Variants in SORCS2 observed in about 807,000 individuals in gnomAD.
SORCS2 encodes the protein sortilin related VPS10 domain containing receptor 2, also known as VPS10 domain-containing receptor SorCS2.
A neutral mutation model predicts 141.6 loss-of-function variants in SORCS2; 100 were observed. The ratio of observed to expected loss-of-function variants is 0.71; its 90% CI spans 0.60 to 0.83. SORCS2 has a LOEUF of 0.83. Among genes scored for constraint, SORCS2 ranks in the 40% least tolerant of loss-of-function variants. The probability of loss-of-function intolerance (pLI) is 0.00; values close to 1 mark genes in which losing one functional copy is unlikely to be tolerated. For missense variants in SORCS2, 1,646 were observed against 1,560.2 expected (o/e 1.05, Z -0.93); for synonymous variants, 789 against 676.9 (o/e 1.17, Z -2.57).
intron 14 of SORCS2, among the ~76,000 whole-genome samples, 191 bp downstream of exon 14, chr4:7,704,475 T>G (rs752283923): frequency 9.9e-5 from 15 of 152,230 alleles, no homozygotes; most frequent in Non-Finnish European, 1.9e-4. Context: ...CGGCACCTCT[T>G]GAGCCGGTGA....
intron 26 of SORCS2, among the ~76,000 whole-genome samples, chr4:7,737,755 G>A (rs1044000892): frequency 1.1e-4 from 17 of 152,220 alleles, no homozygotes; most frequent in Admixed American, 2.6e-4. Flanking sequence ...GTTTATGGCC[G>A]TTTTCTCTTC....
chr4:7,477,781 A>C (rs1329943392), intron 2 of SORCS2, among the ~76,000 whole-genome samples: 2 of 152,204 alleles, frequency 1.3e-5, no homozygotes, highest in Non-Finnish European at 2.9e-5. Flanking sequence ...CCATCCCAGA[A>C]TTCTGTCTCC....
intron 9 of SORCS2, among the ~76,000 whole-genome samples, chr4:7,680,709 T>A (rs1723475016): frequency 1.3e-5 from 2 of 152,250 alleles, no homozygotes; most frequent in Admixed American, 1.3e-4. Flanking sequence ...GCTCGCAGTG[T>A]GATCCCCTTG....
chr4:7,525,212 A>G (rs573651735), intron 2 of SORCS2, among the ~76,000 whole-genome samples: 11 of 152,284 alleles, frequency 7.2e-5, no homozygotes, highest in African/African-American at 2.6e-4. Flanking sequence ...AGTCCGGGCA[A>G]GAGGCTTCTG....
At chr4:7,465,118 C>T (rs1461513746) in intron 2 of SORCS2, among the ~76,000 whole-genome samples, 5 of 152,186 alleles carry the variant, frequency 3.3e-5, no homozygotes, top group African/African-American at 4.8e-5. Context: ...GAATGACACC[C>T]GGGGCCGCTG....
At chr4:7,538,369 C>T (rs10937835) in intron 3 of SORCS2, among the ~76,000 whole-genome samples, 115,181 of 152,112 alleles carry the variant, frequency 0.76, 48,778 homozygotes, top group East Asian at 0.99. Context: ...TGACGACCCC[C>T]ACACATCCCC....
intron 10 of SORCS2, 110 bp from the exon 11 acceptor site, chr4:7,689,376 C>A: frequency 2.0e-6 from 2 of 1,007,540 alleles, no homozygotes; most frequent in South Asian, 3.1e-5. Flanking sequence ...CACTCCTGGC[C>A]CAGCCTTCTC....
chr4:7,260,389 C>T lies in SORCS2; in HGVS notation c.480+67263C>T, dbSNP rs73799427. ...CCTCCAAGCCTCCTCCCACCTCCCC[C>T]CTCCCAGGAATGTTGAGCAACAAAT... On this transcript the variant is annotated intron_variant, in intron 1 of 26. Coordinates refer to ENST00000507866, the MANE Select transcript of SORCS2 (RefSeq NM_020777.3). Among the ~76,000 whole-genome samples the T allele has an allele frequency of 8.4e-3, 1,276 of 152,322 alleles. 19 individuals are homozygous for T. The highest frequency in any genetic ancestry group is 0.029 in the African/African-American group (1,189 of 41,566).
intron 1 of SORCS2, among the ~76,000 whole-genome samples, chr4:7,313,436 T>C (rs1718333092): frequency 6.6e-6 from 1 of 152,064 alleles, no homozygotes; most frequent in Non-Finnish European, 1.5e-5. Context: ...CTCTCTGGGT[T>C]GCGCAAGAGA....
chr4:7,724,916 G>GT (rs1560115072), intron 19 of SORCS2, among the ~76,000 whole-genome samples: 3,210 of 42,956 alleles, frequency 0.075, 510 homozygotes, highest in South Asian at 0.11. Flanking sequence ...AGTATTGGTG[G>GT]GAATGGATGG....
At chr4:7,503,525 CAG>C (rs1309964748) in intron 2 of SORCS2, among the ~76,000 whole-genome samples, 1 of 152,122 alleles carries the variant, frequency 6.6e-6, no homozygotes, top group East Asian at 1.9e-4. Context: ...CAGAGAGAGA[CAG>C]AGGTAGAGAT....
At chr4:7,421,324 A>G (rs1279959124) in intron 2 of SORCS2, among the ~76,000 whole-genome samples, 23 of 152,186 alleles carry the variant, frequency 1.5e-4, no homozygotes, top group Non-Finnish European at 2.8e-4. Context: ...AGAGGTGGCT[A>G]AGAACGCAGG....
chr4:7,352,457 GCTTA>G (rs1211040053), intron 1 of SORCS2, among the ~76,000 whole-genome samples: 1 of 152,198 alleles, frequency 6.6e-6, no homozygotes, highest in Non-Finnish European at 1.5e-5. Context: ...CCATTTTGGA[GCTTA>G]CCCCTGCATC....
At position 7,737,186 on chromosome 4, in the gene SORCS2, A is replaced by G. The variant is rs773774587; in HGVS notation, c.3415+14A>G. The G allele has an allele frequency of 1.3e-6, 2 of 1,550,792 alleles. No individual in the cohort carries two copies. Among genetic ancestry groups the G allele is most frequent in the Non-Finnish European group, 1.7e-6 (2 of 1,146,828 alleles). On this transcript the variant is annotated intron_variant, in intron 26 of 26. Coordinates refer to ENST00000507866, the MANE Select transcript of SORCS2 (RefSeq NM_020777.3). ...GCGCTGTCCAGGGTGAGGAGTTTAT[A>G]GATGATGATCTCGACTCGCAGACTC...
chr4:7,541,409 C>T (rs755318158), intron 3 of SORCS2, among the ~76,000 whole-genome samples: 7 of 152,224 alleles, frequency 4.6e-5, no homozygotes, highest in Non-Finnish European at 8.8e-5. Flanking sequence ...ATTCCCAGTG[C>T]TCTGTATGGA....
Position 7,654,194 on chromosome 4 carries a change from G to C in SORCS2, c.874G>C (p.Asp292His). The change falls in exon 5 of 27, where the codon GAC (aspartate) becomes CAC (histidine). Residue 292 changes from aspartate to histidine, a missense_variant. Coordinates refer to ENST00000507866, the MANE Select transcript of SORCS2 (RefSeq NM_020777.3). ...ACTTCTGCAAGAGCGAGTGACCAAAGACCACGTGTTCTGGTGAGAGCACTT... is the reference window on the plus strand; with the variant it reads ...ACTTCTGCAAGAGCGAGTGACCAAACACCACGTGTTCTGGTGAGAGCACTT... ...WTLLQERVTK[D>H]HVFWSVSGVD... The C allele has an allele frequency of 6.3e-7, 1 of 1,578,890 alleles. No homozygotes were observed. Among genetic ancestry groups the C allele is most frequent in the Non-Finnish European group, 8.6e-7 (1 of 1,160,856 alleles).
At chr4:7,337,289 C>A (rs776610890) in intron 1 of SORCS2, among the ~76,000 whole-genome samples, 8 of 152,144 alleles carry the variant, frequency 5.3e-5, no homozygotes, top group Non-Finnish European at 1.2e-4. Flanking sequence ...TGTGTCCCAG[C>A]CCACCTGCAA....
At chr4:7,298,868 C>G (rs1717247493) in intron 1 of SORCS2, among the ~76,000 whole-genome samples, 1 of 152,242 alleles carries the variant, frequency 6.6e-6, no homozygotes, top group Non-Finnish European at 1.5e-5. Flanking sequence ...ACTGCAGAGC[C>G]TGGCGGAATC....
At chr4:7,374,197 T>A (rs145326015) in intron 1 of SORCS2, among the ~76,000 whole-genome samples, 15 of 145,338 alleles carry the variant, frequency 1.0e-4, no homozygotes, top group African/African-American at 3.7e-4. Flanking sequence ...CTTTCTTTCT[T>A]TTTTGCAGAG....
Sources: allele counts gnomAD v4.1 joint callset (sites outside exome capture counted in the v4.1 genomes callset), GRCh38; gene constraint gnomAD v4.1.1; transcripts MANE v1.5; gene names NCBI Gene and HGNC (gene_info 2026-07-23, HGNC 2026-07-21).